ZNF680: variants seen among roughly 807,000 people sequenced by gnomAD.
ZNF680 encodes hypothetical protein FLJ90430.
ZNF680 carries 6 observed loss-of-function variants against 12.1 expected under a neutral mutation model. The ratio of observed to expected loss-of-function variants is 0.49; its 90% confidence interval spans 0.27 to 0.98. The LOEUF (loss-of-function observed/expected upper bound fraction) is 0.98. Ranked by LOEUF, ZNF680 falls within the 50% of genes least tolerant of loss-of-function variation. ZNF680 has a pLI of 0.12. For synonymous variants in ZNF680, 170 were observed against 199.3 expected (o/e 0.85, Z 1.24); for missense variants, 561 against 616.3 (o/e 0.91, Z 0.95).
At chr7:64,529,497 CACTT>C (rs1273901684) in intron 3 of ZNF680, among the ~76,000 whole-genome samples, 5 of 152,066 alleles carry the variant, frequency 3.3e-5, no homozygotes, top group East Asian at 1.9e-4. Flanking sequence ...ACACTGGACA[CACTT>C]ACAGTAAAGT....
At chr7:64,506,193 ATTTTTTTT>A in the ZNF680 span, among the ~76,000 whole-genome samples, 1 of 105,580 alleles carries the variant, frequency 9.5e-6, no homozygotes, top group Non-Finnish European at 2.0e-5. Context: ...AGTCTTTTAG[ATTTTTTTT>A]TTTTTTTTTT....
chr7:64,522,567 A>G (rs1479358321), intron 3 of ZNF680, 67 bp from the exon 4 acceptor site: 28 of 1,165,406 alleles, frequency 2.4e-5, no homozygotes, highest in Non-Finnish European at 3.1e-5. Flanking sequence ...TTACATATCA[A>G]ATTTATAAAA....
At chr7:64,543,464 G>A (rs1186366390) in intron 3 of ZNF680, among the ~76,000 whole-genome samples, 1 of 152,212 alleles carries the variant, frequency 6.6e-6, no homozygotes, top group East Asian at 1.9e-4. Flanking sequence ...AAGCCATAAA[G>A]AGGACTTTGG....
At chr7:64,525,575 A>C (rs1197952209) in intron 3 of ZNF680, 1 of 225,190 alleles carries the variant, frequency 4.4e-6, no homozygotes, top group African/African-American at 2.3e-5. Context: ...GGGTATTGAT[A>C]TTTAGCTTTG....
chr7:64,553,900 A>C lies in ZNF680; in HGVS notation c.30+9025T>G, dbSNP rs1363404031. Among the ~76,000 whole-genome samples, 3 of 152,292 alleles carry C rather than the reference A, an allele frequency of 2.0e-5. No individual in the cohort carries two copies. The South Asian group carries it at 6.2e-4, about 32-fold the overall frequency. On this transcript the variant is annotated intron_variant, in intron 1 of 3. Transcript: ENST00000309683. Reference sequence around the variant, plus strand: ...GCTCACTCAGTGCTCAATGTTGCCCAGGCTGGAGTGCAGTGGCGTGATCTC... The same window carrying C: ...GCTCACTCAGTGCTCAATGTTGCCCCGGCTGGAGTGCAGTGGCGTGATCTC...
At chr7:64,549,309 G>C (rs772518105) in intron 1 of ZNF680, among the ~76,000 whole-genome samples, 29 of 152,102 alleles carry the variant, frequency 1.9e-4, no homozygotes, top group Non-Finnish European at 1.3e-4. Context: ...TCACTCCTAA[G>C]ATGCTTGTTT....
intron 3 of ZNF680, among the ~76,000 whole-genome samples, chr7:64,537,947 A>C (rs1310392934): frequency 2.0e-5 from 3 of 152,104 alleles, no homozygotes; most frequent in Admixed American, 6.6e-5. Context: ...AAACAAAAAA[A>C]CAAACAAAAA....
the ZNF680 span, among the ~76,000 whole-genome samples, chr7:64,513,668 TA>T: frequency 1.3e-5 from 2 of 151,850 alleles, no homozygotes; most frequent in African/African-American, 4.8e-5. Flanking sequence ...TTTTTTAAGA[TA>T]GATTCTCGCT....
chr7:64,538,967 C>A (rs1786328561), intron 3 of ZNF680, among the ~76,000 whole-genome samples: 1 of 151,868 alleles, frequency 6.6e-6, no homozygotes, highest in South Asian at 2.1e-4. Flanking sequence ...CTTGTCTCTA[C>A]TAAATATACA....
intron 3 of ZNF680, among the ~76,000 whole-genome samples, chr7:64,524,503 T>C (rs1791726876): frequency 6.6e-6 from 1 of 152,186 alleles, no homozygotes; most frequent in African/African-American, 2.4e-5. Context: ...TAGCAGTGTG[T>C]GTATCTCACA....
chr7:64,514,261 T>G, the ZNF680 span, among the ~76,000 whole-genome samples: 1 of 152,200 alleles, frequency 6.6e-6, no homozygotes, highest in African/African-American at 2.4e-5. Flanking sequence ...AGGTTATATT[T>G]TAGTAAGTAT....
the ZNF680 span, among the ~76,000 whole-genome samples, chr7:64,502,379 TAC>T: frequency 3.3e-5 from 5 of 152,184 alleles, no homozygotes; most frequent in Admixed American, 1.3e-4. Flanking sequence ...TTTTCATTCA[TAC>T]AGTTTCAGTA....
At chr7:64,554,025 A>G (rs1196779731) in intron 1 of ZNF680, among the ~76,000 whole-genome samples, 5 of 151,450 alleles carry the variant, frequency 3.3e-5, no homozygotes. Context: ...GGAAGTGAGG[A>G]GCGTCTCTGC....
intron 1 of ZNF680, among the ~76,000 whole-genome samples, chr7:64,555,877 C>G (rs1420380918): frequency 6.6e-6 from 1 of 151,904 alleles, no homozygotes; most frequent in Non-Finnish European, 1.5e-5. Flanking sequence ...ATGAACACTT[C>G]TATGCACATG....
chr7:64,509,744 C>T, the ZNF680 span, among the ~76,000 whole-genome samples: 1 of 152,064 alleles, frequency 6.6e-6, no homozygotes, highest in Non-Finnish European at 1.5e-5. Flanking sequence ...GTAACTAAAT[C>T]CTGCCGACTA....
the ZNF680 span, among the ~76,000 whole-genome samples, chr7:64,505,443 A>G: frequency 6.6e-6 from 1 of 152,214 alleles, no homozygotes; most frequent in Non-Finnish European, 1.5e-5. Context: ...ATAATTAGGT[A>G]TGCTTTTTCA....
chr7:64,530,667 T>C (rs1247220629), intron 3 of ZNF680, among the ~76,000 whole-genome samples: 1 of 151,904 alleles, frequency 6.6e-6, no homozygotes, highest in Non-Finnish European at 1.5e-5. Context: ...AAGACCAGCC[T>C]GGCCAAAATG....
At chr7:64,504,918 TGA>T in the ZNF680 span, among the ~76,000 whole-genome samples, 1 of 152,204 alleles carries the variant, frequency 6.6e-6, no homozygotes, top group Non-Finnish European at 1.5e-5. Context: ...TACTCTAAAT[TGA>T]GAGACTAGAT....
At chr7:64,505,266 GT>G in the ZNF680 span, among the ~76,000 whole-genome samples, 3 of 152,094 alleles carry the variant, frequency 2.0e-5, no homozygotes, top group African/African-American at 7.2e-5. Flanking sequence ...CTTTTATCAT[GT>G]TAAACTAAGA....
Sources: gnomAD v4.1 joint callset for allele counts (sites outside exome capture counted in the v4.1 genomes callset) on GRCh38, gnomAD v4.1.1 for gene constraint, MANE v1.5 for transcripts, NCBI Gene and HGNC (gene_info 2026-07-23, HGNC 2026-07-21) for gene names.